Variants in GALNT13 observed in about 807,000 individuals in gnomAD.
The protein encoded by GALNT13 is UDP-GalNAc:polypeptide N-acetylgalactosaminyltransferase 13.
GALNT13 carries 28 observed loss-of-function variants against 64.2 expected under a neutral mutation model. The ratio of observed to expected loss-of-function variants is 0.44; its 90% CI spans 0.32 to 0.60. The LOEUF (loss-of-function observed/expected upper bound fraction) is 0.60. Among genes scored for constraint, GALNT13 ranks in the 20% least tolerant of loss-of-function variants. The pLI is 0.05. For synonymous variants in GALNT13, 214 were observed against 224.6 expected, an observed-to-expected ratio of 0.95 and a Z score of 0.42; for missense variants, 577 against 669.8, an observed-to-expected ratio of 0.86 and a Z score of 1.53.
intron 3 of GALNT13, among the ~76,000 whole-genome samples, chr2:153,962,648 A>G (rs1693025402): frequency 6.6e-6 from 1 of 152,188 alleles, no homozygotes; most frequent in African/African-American, 2.4e-5. Flanking sequence ...TAATTAAGGA[A>G]CTTATTTCCA....
At chr2:153,850,744 A>G in the GALNT13 span, among the ~76,000 whole-genome samples, 1 of 152,224 alleles carries the variant, frequency 6.6e-6, no homozygotes, top group African/African-American at 2.4e-5. Context: ...GGAAGCTAAA[A>G]GTTCTGGGAT....
the GALNT13 span, among the ~76,000 whole-genome samples, chr2:153,741,188 C>A: frequency 8.1e-3 from 1,222 of 150,840 alleles, 17 homozygotes; most frequent in African/African-American, 0.028. Flanking sequence ...ATTTTTTTTT[C>A]TGGATTACTG....
chr2:153,241,294 A>T, the GALNT13 span, among the ~76,000 whole-genome samples: 1 of 152,180 alleles, frequency 6.6e-6, no homozygotes, highest in East Asian at 1.9e-4. Context: ...ATCAAAACCA[A>T]CAGGGACCAA....
rs542203152 is a variant in GALNT13 at position 154,434,361 on chromosome 2, G to A, written c.1396-4231G>A. Among the ~76,000 whole-genome samples, 45 of 152,228 alleles carry A rather than the reference G, an allele frequency of 3.0e-4. No homozygotes were observed. The South Asian group carries it at 7.9e-3, about 27-fold the overall frequency. On this transcript the variant is annotated intron_variant, in intron 11 of 12. Transcript: ENST00000392825. Reference sequence around the variant, plus strand: ...TGCAAATTCCGCCTCCCGGGCTCACGCCATTCTCCTGCCTCAGCCTCCAGA... The same window carrying A: ...TGCAAATTCCGCCTCCCGGGCTCACACCATTCTCCTGCCTCAGCCTCCAGA...
At chr2:153,242,418 G>T in the GALNT13 span, among the ~76,000 whole-genome samples, 2 of 152,184 alleles carry the variant, frequency 1.3e-5, no homozygotes, top group Non-Finnish European at 2.9e-5. Flanking sequence ...GGGAAGGAAA[G>T]AAACTGCTTA....
intron 7 of GALNT13, among the ~76,000 whole-genome samples, chr2:154,251,595 A>C (rs958014701): frequency 5.3e-5 from 8 of 152,322 alleles, no homozygotes; most frequent in African/African-American, 1.4e-4. Context: ...CTAGAGCCTA[A>C]GCCAGCATAA....
chr2:153,444,480 A>G, the GALNT13 span, among the ~76,000 whole-genome samples: 1 of 152,234 alleles, frequency 6.6e-6, no homozygotes, highest in East Asian at 1.9e-4. Flanking sequence ...GCAGAAAAGC[A>G]TTATCTTTGC....
chr2:153,728,272 G>A, the GALNT13 span, among the ~76,000 whole-genome samples: 1 of 152,176 alleles, frequency 6.6e-6, no homozygotes, highest in South Asian at 2.1e-4. Flanking sequence ...TAATGGGATT[G>A]CTGAGTCAAA....
intron 3 of GALNT13, among the ~76,000 whole-genome samples, chr2:153,956,412 T>G (rs1308808374): frequency 6.6e-6 from 1 of 152,238 alleles, no homozygotes; most frequent in Non-Finnish European, 1.5e-5. Context: ...ATAGACAGTT[T>G]CCTTTTAATA....
chr2:153,504,848 C>A, the GALNT13 span, among the ~76,000 whole-genome samples: 31 of 151,966 alleles, frequency 2.0e-4, no homozygotes, highest in African/African-American at 7.0e-4. Flanking sequence ...GTTTTCTTTT[C>A]TTGTTATGTC....
the GALNT13 span, among the ~76,000 whole-genome samples, chr2:153,658,470 C>A: frequency 6.6e-6 from 1 of 152,106 alleles, no homozygotes; most frequent in African/African-American, 2.4e-5. Context: ...GATAGACACT[C>A]CCTTCCCCAA....
At chr2:153,746,021 C>T in the GALNT13 span, among the ~76,000 whole-genome samples, 4 of 152,134 alleles carry the variant, frequency 2.6e-5, no homozygotes, top group African/African-American at 4.8e-5. Flanking sequence ...ATAGAAAGTA[C>T]GTTTTTAAAG....
At chr2:153,345,635 TTTTCTTTCTTTC>T in the GALNT13 span, among the ~76,000 whole-genome samples, 348 of 68,812 alleles carry the variant, frequency 5.1e-3, 3 homozygotes, top group Admixed American at 0.013. Flanking sequence ...TTTCCTTTCT[TTTTCTTTCTTTC>T]TTTCTTTCTT....
At chr2:153,186,885 G>A in the GALNT13 span, among the ~76,000 whole-genome samples, 2 of 152,142 alleles carry the variant, frequency 1.3e-5, no homozygotes, top group Admixed American at 6.5e-5. Flanking sequence ...TTTTTGTAGT[G>A]GCAGGTAACA....
At chr2:153,179,260 AT>A in the GALNT13 span, among the ~76,000 whole-genome samples, 1 of 152,180 alleles carries the variant, frequency 6.6e-6, no homozygotes, top group African/African-American at 2.4e-5. Flanking sequence ...GCATATCCAT[AT>A]TGTTTACTCA....
intron 9 of GALNT13, among the ~76,000 whole-genome samples, chr2:154,309,094 G>A (rs1217779486): frequency 1.3e-5 from 2 of 152,076 alleles, no homozygotes; most frequent in African/African-American, 2.4e-5. Context: ...TGTTGTCTTT[G>A]CCGTTAAAGT....
chr2:153,248,676 C>A, the GALNT13 span, among the ~76,000 whole-genome samples: 3 of 151,570 alleles, frequency 2.0e-5, no homozygotes, highest in Non-Finnish European at 4.4e-5. Context: ...ATTAGCTGGG[C>A]GTGGTGGTGG....
chr2:154,432,282 CAGATACCA>C lies in GALNT13; in HGVS notation c.1396-6303_1396-6296del, dbSNP rs558657113. ...ATAACTGGATGTTAAAATTTCAGCC[CAGATACCA>C]AGATACAATAAATGTGAAATGTAAA... is the stretch of plus-strand genomic sequence containing the variant. On this transcript the variant is annotated intron_variant, in intron 11 of 12. Coordinates refer to ENST00000392825, the MANE Select transcript of GALNT13 (RefSeq NM_052917.4). Among the ~76,000 whole-genome samples, 49 of 152,152 alleles carry C rather than the reference CAGATACCA, an allele frequency of 3.2e-4. No homozygotes were observed. In the South Asian group the frequency reaches 3.7e-3, roughly 12 times the overall value.
At chr2:153,198,787 AC>A in the GALNT13 span, among the ~76,000 whole-genome samples, 4 of 152,100 alleles carry the variant, frequency 2.6e-5, no homozygotes, top group African/African-American at 9.7e-5. Context: ...TGAAGATATC[AC>A]CTTCCTCAGA....
Sources: gnomAD v4.1 joint callset for allele counts (sites outside exome capture counted in the v4.1 genomes callset) on GRCh38, gnomAD v4.1.1 for gene constraint, MANE v1.5 for transcripts, NCBI Gene and HGNC (gene_info 2026-07-23, HGNC 2026-07-21) for gene names.